Variants in ARMC10 observed in about 807,000 individuals in gnomAD.
ARMC10 encodes armadillo repeat containing 10, also known as armadillo repeat-containing protein 10.
A neutral mutation model predicts 30.2 loss-of-function variants in ARMC10; 23 were observed. That is an observed-to-expected ratio of 0.76 (90% CI 0.55 to 1.08). The LOEUF is 1.08. Ranked by LOEUF, ARMC10 falls within the 50% of genes least tolerant of loss-of-function variation. The pLI is 0.00. For missense variants in ARMC10, 303 were observed against 413.7 expected (o/e 0.73, Z 2.32); for synonymous variants, 111 against 164.4 (o/e 0.68, Z 2.48).
chr7:103,075,554 G>GCGCCGCCCC (rs1466259413), intron 1 of ARMC10, 143 bp downstream of exon 1: 34 of 1,075,082 alleles, frequency 3.2e-5, no homozygotes, highest in East Asian at 2.1e-4. Context: ...GCAGGGTGCT[G>GCGCCGCCCC]CGCCGCCCCC....
chr7:103,076,467 C>T (rs78736849), intron 2 of ARMC10, among the ~76,000 whole-genome samples: 174 of 152,330 alleles, frequency 1.1e-3, no homozygotes, highest in African/African-American at 3.8e-3. Flanking sequence ...AGTACGCTTT[C>T]GAACAGTAGG....
chr7:103,083,449 A>G (rs955807485), intron 2 of ARMC10, among the ~76,000 whole-genome samples: 1 of 152,092 alleles, frequency 6.6e-6, no homozygotes, highest in Admixed American at 6.6e-5. Context: ...TGAGACCCCC[A>G]TCTGTACAAA....
chr7:103,086,959 A>G (rs1800919073), intron 4 of ARMC10, 195 bp downstream of exon 4: 2 of 1,418,976 alleles, frequency 1.4e-6, no homozygotes, highest in African/African-American at 2.8e-5. Flanking sequence ...CTTTTGTTTC[A>G]GTAAAATAAT....
intron 4 of ARMC10, among the ~76,000 whole-genome samples, chr7:103,088,231 C>G (rs921658525): frequency 6.6e-6 from 1 of 152,028 alleles, no homozygotes; most frequent in African/African-American, 2.4e-5. Flanking sequence ...GAATAGGGGT[C>G]TTTTTTTAGT....
At chr7:103,092,330 CAAAAAA>C (rs772073727) in intron 4 of ARMC10, 141 bp from the exon 5 acceptor site, 15 of 233,966 alleles carry the variant, frequency 6.4e-5, no homozygotes, top group East Asian at 1.8e-4. Context: ...GACTCCGTCT[CAAAAAA>C]AAAAAAAAAA....
intron 2 of ARMC10, among the ~76,000 whole-genome samples, chr7:103,077,538 A>T (rs1261885512): frequency 2.0e-5 from 3 of 152,106 alleles, no homozygotes; most frequent in African/African-American, 7.2e-5. Context: ...GTTCTTATAA[A>T]GCCACCAGTC....
At chr7:103,091,055 C>T (rs1282443410) in intron 4 of ARMC10, among the ~76,000 whole-genome samples, 1 of 152,088 alleles carries the variant, frequency 6.6e-6, no homozygotes, top group African/African-American at 2.4e-5. Context: ...ATTTTCTTAG[C>T]AGTTAGAACT....
chr7:103,077,648 G>A lies in ARMC10; in HGVS notation c.244+1767G>A, dbSNP rs117115357. ...CCTTACCTCTCAATACTGCCACATT[G>A]GGAATTAAGTTTCGACATGAGTTTC... On this transcript the variant is annotated intron_variant, in intron 2 of 6. Coordinates refer to ENST00000323716, the MANE Select transcript of ARMC10 (RefSeq NM_031905.5). 1.5e-3 allele frequency among the ~76,000 whole-genome samples: 226 copies of A among 152,204 alleles called. 6 individuals carry two copies. The East Asian group carries it at 0.041, about 27-fold the overall frequency.
At chr7:103,092,355 G>A (rs891043459) in intron 4 of ARMC10, 122 bp from the exon 5 acceptor site, 15 of 403,512 alleles carry the variant, frequency 3.7e-5, no homozygotes, top group Admixed American at 1.4e-4. Context: ...AAAAAAAGTC[G>A]TATTTTTTGA....
In ARMC10 at chr7:103,076,835, A is replaced by G. The variant is rs531206414; in HGVS notation, c.244+954A>G. ...GTGCGACAGAGCAAGATTCTGTCTCAAAAAACAAAAAACAAACAAAAAGAT... is the reference window on the plus strand; with the variant it reads ...GTGCGACAGAGCAAGATTCTGTCTCGAAAAACAAAAAACAAACAAAAAGAT... On this transcript the variant is annotated intron_variant, in intron 2 of 6. Coordinates refer to ENST00000323716, the MANE Select transcript of ARMC10 (RefSeq NM_031905.5). Among the ~76,000 whole-genome samples the G allele has an allele frequency of 7.7e-3, 224 of 29,012 alleles. 2 individuals are homozygous for G. In the South Asian group the frequency reaches 0.32, roughly 41 times the overall value. The allele number at this position is 29,012 out of a possible 152,430, so 19.0% of individuals were successfully genotyped here.
chr7:103,086,660 A>G lies in ARMC10; in HGVS notation c.424A>G (p.Ile142Val), dbSNP rs759549028. 6 of 1,590,574 alleles carry G rather than the reference A, an allele frequency of 3.8e-6. No individual in the cohort carries two copies. Among genetic ancestry groups the G allele is most frequent in the South Asian group, 2.3e-5 (2 of 85,580 alleles). Residue 142 changes from isoleucine (I) to valine (V), a missense_variant, in exon 4 of 7, where the codon ATT (isoleucine) becomes GTT (valine). Physicochemically the swap from Ile to Val is conservative, Grantham distance 29. This residue lies in a region of ARMC10 where 170 missense variants were observed against 207.2 expected (regional missense o/e 0.82). Transcript: ENST00000323716. ...TATTCGTGAATTGGGTGGTATTCCAATTGTTGCAAACAAAATCAACCATTC... is the reference window on the plus strand; with the variant it reads ...TATTCGTGAATTGGGTGGTATTCCAGTTGTTGCAAACAAAATCAACCATTC... Reference protein sequence around the residue: ...AIIRELGGIPIVANKINHSNQ... With the variant: ...AIIRELGGIPVVANKINHSNQ...
At chr7:103,083,301 A>G (rs1404291751) in intron 2 of ARMC10, among the ~76,000 whole-genome samples, 1 of 152,174 alleles carries the variant, frequency 6.6e-6, no homozygotes, top group Non-Finnish European at 1.5e-5. Flanking sequence ...CCATACAAGT[A>G]TGTATTCGAT....
chr7:103,085,693 C>T (rs1166986797), intron 3 of ARMC10, among the ~76,000 whole-genome samples: 3 of 150,266 alleles, frequency 2.0e-5, no homozygotes, highest in South Asian at 4.2e-4. Flanking sequence ...TCTCAACTCA[C>T]TGTAACCTCC....
rs1370813087 is a variant in ARMC10 at position 103,083,703 on chromosome 7, A to G, written c.266A>G (p.Tyr89Cys). ...GCAGAAGACTTAACTGATGGTTCAT[A>G]TGATGATGTTCTAAATGCTGAACAA... ...SQPEDLTDGSYDDVLNAEQLQ... is the reference protein window; with the variant it reads ...SQPEDLTDGSCDDVLNAEQLQ... The change falls in exon 3 of 7, where the codon TAT becomes TGT. Residue 89 changes from tyrosine (Y) to cysteine (C), a missense_variant. Transcript: ENST00000323716. 6.2e-7 allele frequency: 1 copy of G among 1,612,968 alleles called. No individual in the cohort carries two copies. The highest frequency in any genetic ancestry group is 1.1e-5 in the South Asian group (1 of 91,060).
intron 6 of ARMC10, 41 bp downstream of exon 6, chr7:103,097,389 A>C: frequency 7.4e-7 from 1 of 1,358,650 alleles, no homozygotes; most frequent in Non-Finnish European, 1.0e-6. Flanking sequence ...ATACACATAT[A>C]TACATTTGAA....
rs747932297 is a variant in ARMC10, at chr7:103,075,823, G to A, written c.186G>A (p.Ser62=). The A allele has an allele frequency of 6.2e-7, 1 of 1,611,372 alleles. No individual in the cohort carries two copies. The highest frequency in any genetic ancestry group is 1.1e-5 in the South Asian group (1 of 90,362). ...CAGAGGGTCAGTTGTGCGGGCGCTCGGCCCGGCCTCAGACGGGAGGTACCT... is the reference window on the plus strand; with the variant it reads ...CAGAGGGTCAGTTGTGCGGGCGCTCAGCCCGGCCTCAGACGGGAGGTACCT... ...GTSEGQLCGR[S]ARPQTGGTWE... The change falls in exon 2 of 7, where the codon TCG becomes TCA. Residue 62 remains serine, a synonymous_variant. Coordinates refer to ENST00000323716, the MANE Select transcript of ARMC10 (RefSeq NM_031905.5).
chr7:103,090,581 C>T (rs1016930963), intron 4 of ARMC10, among the ~76,000 whole-genome samples: 7 of 152,156 alleles, frequency 4.6e-5, no homozygotes, highest in African/African-American at 1.7e-4. Context: ...CTCACTGCAA[C>T]CCCTGCCTCC....
At chr7:103,076,326 T>G (rs1467494775) in intron 2 of ARMC10, among the ~76,000 whole-genome samples, 1 of 152,192 alleles carries the variant, frequency 6.6e-6, no homozygotes, top group African/African-American at 2.4e-5. Flanking sequence ...TTGGGGTGGT[T>G]GTTATCTAAT....
chr7:103,076,159 T>C (rs145324772), intron 2 of ARMC10, among the ~76,000 whole-genome samples: 1 of 152,202 alleles, frequency 6.6e-6, no homozygotes, highest in Non-Finnish European at 1.5e-5. Context: ...GCTAATGGGA[T>C]AGCAGGAAGA....
Sources: gnomAD v4.1 joint callset for allele counts (sites outside exome capture counted in the v4.1 genomes callset) on GRCh38, gnomAD v4.1.1 for gene constraint, gnomAD v4.1.1 regional missense constraint, MANE v1.5 for transcripts, NCBI Gene and HGNC (gene_info 2026-07-23, HGNC 2026-07-21) for gene names.